RAB38: variants seen among roughly 807,000 people sequenced by gnomAD.
RAB38 encodes ras-related protein Rab-38.
RAB38 carries 15 observed loss-of-function variants against 18.4 expected under a neutral mutation model. The observed-to-expected ratio is 0.82, with a 90% confidence interval of 0.55 to 1.26. RAB38 has a LOEUF of 1.26. RAB38 is among the 50% of genes most tolerant of loss of function. The pLI, the probability that RAB38 is intolerant of heterozygous loss-of-function variation, is 0.00. For synonymous variants in RAB38, 101 were observed against 104.4 expected, an observed-to-expected ratio of 0.97 and a Z score of 0.20; for missense variants, 294 against 267.4, an observed-to-expected ratio of 1.10 and a Z score of -0.69.
At chr11:87,922,028 G>C in the RAB38 span, among the ~76,000 whole-genome samples, 2 of 151,956 alleles carry the variant, frequency 1.3e-5, no homozygotes, top group Non-Finnish European at 2.9e-5. Flanking sequence ...TGTACCCTTT[G>C]TTCTGAAGAG....
the RAB38 span, among the ~76,000 whole-genome samples, chr11:88,007,707 C>T: frequency 6.6e-6 from 1 of 152,016 alleles, no homozygotes; most frequent in South Asian, 2.1e-4. Context: ...TTTGAATATA[C>T]TCCTAACCCA....
intron 2 of RAB38, among the ~76,000 whole-genome samples, chr11:88,143,847 T>C (rs1332559542): frequency 6.6e-6 from 1 of 152,178 alleles, no homozygotes; most frequent in East Asian, 1.9e-4. Context: ...TTATACAGTA[T>C]CTTAGTCACG....
intron 2 of RAB38, among the ~76,000 whole-genome samples, chr11:88,138,243 T>A (rs1476875912): frequency 6.6e-6 from 1 of 152,150 alleles, no homozygotes; most frequent in Non-Finnish European, 1.5e-5. Flanking sequence ...GAATAAACAC[T>A]ATAATGGAAA....
chr11:88,030,054 T>C, the RAB38 span, among the ~76,000 whole-genome samples: 1 of 152,032 alleles, frequency 6.6e-6, no homozygotes, highest in African/African-American at 2.4e-5. Context: ...GCAATCAAAC[T>C]AGAACTCAGG....
At chr11:88,174,620 C>CA (rs60026669) in intron 1 of RAB38, among the ~76,000 whole-genome samples, 5,009 of 100,894 alleles carry the variant, frequency 0.05, 196 homozygotes, top group South Asian at 0.11. Flanking sequence ...AAGCAAAAAG[C>CA]AAAAAAAAAA....
the RAB38 span, among the ~76,000 whole-genome samples, chr11:87,932,248 A>G: frequency 1.3e-5 from 2 of 152,058 alleles, no homozygotes; most frequent in Admixed American, 1.3e-4. Context: ...CTATGTAACA[A>G]ACCTGCACGT....
chr11:88,026,768 C>T, the RAB38 span, among the ~76,000 whole-genome samples: 1,031 of 151,964 alleles, frequency 6.8e-3, 7 homozygotes, highest in Non-Finnish European at 0.012. Flanking sequence ...ATTTTACAAC[C>T]ACCACAGTAA....
chr11:88,070,595 G>A, the RAB38 span, among the ~76,000 whole-genome samples: 1 of 152,200 alleles, frequency 6.6e-6, no homozygotes, highest in African/African-American at 2.4e-5. Context: ...TCATGCACAT[G>A]TGAGAAAGAG....
At chr11:87,823,972 A>G in the RAB38 span, among the ~76,000 whole-genome samples, 1 of 152,202 alleles carries the variant, frequency 6.6e-6, no homozygotes, top group Admixed American at 6.5e-5. Context: ...ATATTTAAAC[A>G]GCTCATGAAA....
At chr11:88,114,421 C>A (rs1276096754) in intron 2 of RAB38, among the ~76,000 whole-genome samples, 2 of 152,294 alleles carry the variant, frequency 1.3e-5, no homozygotes, top group East Asian at 3.9e-4. Flanking sequence ...CTTATTTTCA[C>A]ATTTTCACAT....
the RAB38 span, among the ~76,000 whole-genome samples, chr11:87,808,264 T>G: frequency 3.3e-5 from 5 of 152,234 alleles, no homozygotes; most frequent in African/African-American, 4.8e-5. Context: ...CTCCCATGTT[T>G]AGTGCAGTGT....
chr11:87,837,153 C>T, the RAB38 span, among the ~76,000 whole-genome samples: 12 of 152,138 alleles, frequency 7.9e-5, no homozygotes, highest in South Asian at 2.1e-4. Flanking sequence ...TATTTTGTAA[C>T]GCCATTCTCT....
chr11:87,933,019 A>T, the RAB38 span, among the ~76,000 whole-genome samples: 1 of 152,138 alleles, frequency 6.6e-6, no homozygotes, highest in South Asian at 2.1e-4. Context: ...CCTTAAAAAG[A>T]CAACAGCACC....
At chr11:87,975,273 G>T in the RAB38 span, among the ~76,000 whole-genome samples, 7 of 151,950 alleles carry the variant, frequency 4.6e-5, 1 homozygote, top group South Asian at 8.3e-4. Flanking sequence ...CACATTCTGA[G>T]GTTCCAGGTC....
chr11:87,855,911 T>A, the RAB38 span, among the ~76,000 whole-genome samples: 1 of 152,196 alleles, frequency 6.6e-6, no homozygotes, highest in African/African-American at 2.4e-5. Context: ...TTATGCTCCC[T>A]ATACGGCAAC....
the RAB38 span, among the ~76,000 whole-genome samples, chr11:88,047,781 C>T: frequency 0.23 from 34,706 of 152,102 alleles, 4,655 homozygotes; most frequent in Non-Finnish European, 0.3. Flanking sequence ...AGCTAGTGTT[C>T]CAACTTATAT....
the RAB38 span, among the ~76,000 whole-genome samples, chr11:87,957,883 A>G: frequency 6.6e-6 from 1 of 152,102 alleles, no homozygotes; most frequent in African/African-American, 2.4e-5. Context: ...GCATGCCATG[A>G]CACCATATTT....
chr11:87,884,352 G>C, the RAB38 span, among the ~76,000 whole-genome samples: 1 of 151,946 alleles, frequency 6.6e-6, no homozygotes, highest in South Asian at 2.1e-4. Context: ...TTATTTCCTT[G>C]AAGTGGGGCA....
the RAB38 span, among the ~76,000 whole-genome samples, chr11:88,005,865 C>A: frequency 6.6e-6 from 1 of 151,542 alleles, no homozygotes; most frequent in East Asian, 1.9e-4. Context: ...CTGTCCTTTC[C>A]CCATTGCATG....
Sources: gnomAD v4.1 joint callset for allele counts (sites outside exome capture counted in the v4.1 genomes callset) on GRCh38, gnomAD v4.1.1 for gene constraint, MANE v1.5 for transcripts, NCBI Gene and HGNC (gene_info 2026-07-23, HGNC 2026-07-21) for gene names.